Variants in H4C9 observed in about 807,000 individuals in gnomAD.
H4C9 encodes the protein H4 clustered histone 9, also known as histone H4.
In H4C9, 3 loss-of-function variants were observed where a neutral mutation model predicts 4.3. The observed-to-expected ratio is 0.70, with a 90% CI of 0.32 to 1.82. H4C9 has a LOEUF of 1.82. H4C9 is among the 40% of genes most tolerant of loss of function. The pLI, the probability that H4C9 is intolerant of heterozygous loss-of-function variation, is 0.08. For synonymous variants in H4C9, 83 were observed against 64.8 expected (o/e 1.28, Z -1.35); for missense variants, 166 against 158.3 (o/e 1.05, Z -0.26).
chr6:27,139,616 G>A lies in H4C9; in HGVS notation c.308G>A (p.Gly103Asp). 6.2e-7 allele frequency: 1 copy of A among 1,606,384 alleles called. No individual in the cohort carries two copies. The highest frequency in any genetic ancestry group is 8.5e-7 in the Non-Finnish European group (1 of 1,176,128). ...GGCCGCACCCTCTATGGCTTCGGCG[G>A]CTAAATGGCATTTTGAAGCCCAGTC... Reference protein sequence around the residue: ...RQGRTLYGFGG With the variant: ...RQGRTLYGFGD The change falls in exon 1 of 1, where the codon GGC becomes GAC. Residue 103 changes from glycine (G) to aspartate (D), a missense_variant. Transcript: ENST00000615353.
chr6:27,139,445 G>A lies in H4C9; in HGVS notation c.137G>A (p.Arg46His). The A allele has an allele frequency of 6.2e-7, 1 of 1,614,202 alleles. No homozygotes were observed. Among genetic ancestry groups the A allele is most frequent in the Non-Finnish European group, 8.5e-7 (1 of 1,180,036 alleles). The change falls in exon 1 of 1, where the codon CGC (arginine) becomes CAC (histidine). Residue 46 changes from arginine (R) to histidine (H), a missense_variant. Coordinates refer to ENST00000615353, the MANE Select transcript of H4C9 (RefSeq NM_003495.3). ...CTTGCTCGCCGCGGCGGCGTGAAGC[G>A]CATTTCTGGCCTCATCTATGAGGAG... ...RRLARRGGVK[R>H]ISGLIYEETR...
chr6:27,139,533 G>A lies in H4C9; in HGVS notation c.225G>A (p.Glu75=), dbSNP rs776747593. Reference sequence around the variant, plus strand: ...TCCGGGACGCCGTGACCTACACGGAGCACGCCAAGCGCAAGACGGTCACCG... The same window carrying A: ...TCCGGGACGCCGTGACCTACACGGAACACGCCAAGCGCAAGACGGTCACCG... The part of the protein sequence containing the change: ...NVIRDAVTYT[E]HAKRKTVTAM... The change falls in exon 1 of 1, where the codon GAG becomes GAA. Residue 75 remains glutamate (E), a synonymous_variant. Transcript: ENST00000615353. The A allele has an allele frequency of 8.7e-6, 14 of 1,614,076 alleles. No individual in the cohort carries two copies. Among genetic ancestry groups the A allele is most frequent in the Non-Finnish European group, 1.1e-5 (13 of 1,180,036 alleles).
Position 27,139,471 on chromosome 6 carries a change from A to G in H4C9, c.163A>G (p.Thr55Ala). The G allele has an allele frequency of 6.2e-7, 1 of 1,613,946 alleles. No homozygotes were observed. Among genetic ancestry groups the G allele is most frequent in the East Asian group, 2.2e-5 (1 of 44,832 alleles). ...CATTTCTGGCCTCATCTATGAGGAG[A>G]CCCGCGGAGTGTTGAAGGTGTTCCT... The part of the protein sequence containing the change: ...KRISGLIYEE[T>A]RGVLKVFLEN... The change falls in exon 1 of 1, where the codon ACC (threonine) becomes GCC (alanine). Residue 55 changes from threonine (T) to alanine (A), a missense_variant. Coordinates refer to ENST00000615353, the MANE Select transcript of H4C9 (RefSeq NM_003495.3).
Position 27,139,401 on chromosome 6 carries a change from C to T in H4C9, c.93C>T (p.Thr31=). 3 of 1,614,232 alleles carry T rather than the reference C, an allele frequency of 1.9e-6. No homozygotes were observed. The highest frequency in any genetic ancestry group is 1.1e-5 in the South Asian group (1 of 91,088). Residue 31 remains threonine (T), a synonymous_variant, in exon 1 of 1, where the codon ACC becomes ACT. Transcript: ENST00000615353. The part of the protein sequence containing the change: ...KVLRDNIQGI[T]KPAIRRLARR... Reference sequence around the variant, plus strand: ...TGCGCGACAACATCCAGGGTATCACCAAGCCAGCCATTCGGCGCCTTGCTC... The same window carrying T: ...TGCGCGACAACATCCAGGGTATCACTAAGCCAGCCATTCGGCGCCTTGCTC...
chr6:27,139,663 T>C lies in H4C9; in HGVS notation c.*43T>C. 6.4e-7 allele frequency: 1 copy of C among 1,565,082 alleles called. No homozygotes were observed. The highest frequency in any genetic ancestry group is 8.6e-7 in the Non-Finnish European group (1 of 1,158,108). On this transcript the variant is annotated 3_prime_UTR_variant, in exon 1 of 1. Coordinates refer to ENST00000615353, the MANE Select transcript of H4C9 (RefSeq NM_003495.3). ...AGTCATTCTCTAAAAAGGCCCTTTT[T>C]AGGGCCCCTAAGCTTTCAACAAAAG...
In H4C9 at chr6:27,139,360, C is replaced by T; in HGVS notation, c.52C>T (p.Arg18Cys). 1.9e-6 allele frequency: 3 copies of T among 1,613,984 alleles called. No homozygotes were observed. The highest frequency in any genetic ancestry group is 1.1e-5 in the South Asian group (1 of 91,056). ...GGGCCTGGGGAAAGGGGGTGCCAAGCGCCACCGCAAGGTGCTGCGCGACAA... is the reference window on the plus strand; with the variant it reads ...GGGCCTGGGGAAAGGGGGTGCCAAGTGCCACCGCAAGGTGCTGCGCGACAA... Reference protein sequence around the residue: ...GKGLGKGGAKRHRKVLRDNIQ... With the variant: ...GKGLGKGGAKCHRKVLRDNIQ... The change falls in exon 1 of 1, where the codon CGC (arginine) becomes TGC (cysteine). Residue 18 changes from arginine to cysteine, a missense_variant. Coordinates refer to ENST00000615353, the MANE Select transcript of H4C9 (RefSeq NM_003495.3).
At position 27,139,569 on chromosome 6, in the gene H4C9, G is replaced by A. The variant is rs1581432244; in HGVS notation, c.261G>A (p.Val87=). The change falls in exon 1 of 1, where the codon GTG becomes GTA. Residue 87 remains valine, a synonymous_variant. Coordinates refer to ENST00000615353, the MANE Select transcript of H4C9 (RefSeq NM_003495.3). ...GCAAGACGGTCACCGCCATGGACGT[G>A]GTCTACGCGCTCAAGCGCCAGGGCC... ...AKRKTVTAMD[V]VYALKRQGRT... 2 of 1,613,930 alleles carry A rather than the reference G, an allele frequency of 1.2e-6. No individual in the cohort carries two copies. Among genetic ancestry groups the A allele is most frequent in the Non-Finnish European group, 1.7e-6 (2 of 1,179,892 alleles).
chr6:27,139,508 T>C lies in H4C9; in HGVS notation c.200T>C (p.Ile67Thr), dbSNP rs1452027263. The C allele has an allele frequency of 1.2e-6, 2 of 1,611,158 alleles. No homozygotes were observed. Among genetic ancestry groups the C allele is most frequent in the Non-Finnish European group, 1.7e-6 (2 of 1,178,810 alleles). The stretch of plus-strand genomic sequence containing the variant: ...TTGAAGGTGTTCCTGGAGAACGTGA[T>C]CCGGGACGCCGTGACCTACACGGAG... ...GVLKVFLENV[I>T]RDAVTYTEHA... The change falls in exon 1 of 1, where the codon ATC becomes ACC. Residue 67 changes from isoleucine to threonine, a missense_variant. Ile to Thr is a moderately conservative substitution (Grantham distance 89). Coordinates refer to ENST00000615353, the MANE Select transcript of H4C9 (RefSeq NM_003495.3).
In H4C9 at chr6:27,139,400, C is replaced by T. The variant is rs777882267; in HGVS notation, c.92C>T (p.Thr31Ile). ...CTGCGCGACAACATCCAGGGTATCA[C>T]CAAGCCAGCCATTCGGCGCCTTGCT... ...KVLRDNIQGI[T>I]KPAIRRLARR... is the part of the protein sequence containing the mutation. The change falls in exon 1 of 1, where the codon ACC becomes ATC. Residue 31 changes from threonine to isoleucine, a missense_variant. By Grantham distance (89) the Thr-to-Ile change is moderately conservative. Coordinates refer to ENST00000615353, the MANE Select transcript of H4C9 (RefSeq NM_003495.3). The T allele has an allele frequency of 1.2e-6, 2 of 1,614,248 alleles. No homozygotes were observed. Among genetic ancestry groups the T allele is most frequent in the Non-Finnish European group, 1.7e-6 (2 of 1,180,050 alleles).
rs781629621 is a variant in H4C9, at chr6:27,139,489, G to T, written c.181G>T (p.Val61Leu). Residue 61 changes from valine (V) to leucine (L), a missense_variant, in exon 1 of 1, where the codon GTG becomes TTG. Coordinates refer to ENST00000615353, the MANE Select transcript of H4C9 (RefSeq NM_003495.3). ...IYEETRGVLK[V>L]FLENVIRDAV... ...TGAGGAGACCCGCGGAGTGTTGAAG[G>T]TGTTCCTGGAGAACGTGATCCGGGA... 6.2e-7 allele frequency: 1 copy of T among 1,614,174 alleles called. No individual in the cohort carries two copies. The highest frequency in any genetic ancestry group is 1.1e-5 in the South Asian group (1 of 91,090).
Position 27,139,560 on chromosome 6 carries a change from C to T in H4C9, c.252C>T (p.Ala84=), listed in dbSNP as rs750977807. Residue 84 remains alanine, a synonymous_variant, in exon 1 of 1, where the codon GCC becomes GCT. Coordinates refer to ENST00000615353, the MANE Select transcript of H4C9 (RefSeq NM_003495.3). ...ACGCCAAGCGCAAGACGGTCACCGC[C>T]ATGGACGTGGTCTACGCGCTCAAGC... is the stretch of plus-strand genomic sequence containing the variant. ...TEHAKRKTVT[A]MDVVYALKRQ... 1.2e-6 allele frequency: 2 copies of T among 1,614,112 alleles called. No individual in the cohort carries two copies. The highest frequency in any genetic ancestry group is 2.2e-5 in the South Asian group (2 of 91,082).
At position 27,139,323 on chromosome 6, in the gene H4C9, C is replaced by T. The variant is rs1351101102; in HGVS notation, c.15C>T (p.Gly5=). ...ACCACTTGATAATGTCAGGACGCGGCAAAGGAGGTAAGGGCCTGGGGAAAG... is the reference window on the plus strand; with the variant it reads ...ACCACTTGATAATGTCAGGACGCGGTAAAGGAGGTAAGGGCCTGGGGAAAG... MSGR[G]KGGKGLGKGG... is the part of the protein sequence containing the mutation. Residue 5 remains glycine (G), a synonymous_variant, in exon 1 of 1, where the codon GGC becomes GGT. Transcript: ENST00000615353. 1.2e-6 allele frequency: 2 copies of T among 1,609,934 alleles called. No homozygotes were observed. Among genetic ancestry groups the T allele is most frequent in the Admixed American group, 1.7e-5 (1 of 59,706 alleles).
Position 27,139,389 on chromosome 6 carries a change from C to A in H4C9, c.81C>A (p.Ile27=). The change falls in exon 1 of 1, where the codon ATC becomes ATA. Residue 27 remains isoleucine (I), a synonymous_variant. Transcript: ENST00000615353. ...ACCGCAAGGTGCTGCGCGACAACAT[C>A]CAGGGTATCACCAAGCCAGCCATTC... is the stretch of plus-strand genomic sequence containing the variant. The part of the protein sequence containing the change: ...KRHRKVLRDN[I]QGITKPAIRR... 6.2e-7 allele frequency: 1 copy of A among 1,614,234 alleles called. No homozygotes were observed. Among genetic ancestry groups the A allele is most frequent in the African/African-American group, 1.3e-5 (1 of 75,076 alleles).
At position 27,139,404 on chromosome 6, in the gene H4C9, G is replaced by A. The variant is rs747527283; in HGVS notation, c.96G>A (p.Lys32=). The change falls in exon 1 of 1, where the codon AAG becomes AAA. Residue 32 remains lysine, a synonymous_variant. Coordinates refer to ENST00000615353, the MANE Select transcript of H4C9 (RefSeq NM_003495.3). ...VLRDNIQGIT[K]PAIRRLARRG... ...GCGACAACATCCAGGGTATCACCAA[G>A]CCAGCCATTCGGCGCCTTGCTCGCC... 21 of 1,614,116 alleles carry A rather than the reference G, an allele frequency of 1.3e-5. No individual in the cohort carries two copies. In the Admixed American group the frequency reaches 2.5e-4, roughly 19 times the overall value.
Position 27,139,337 on chromosome 6 carries a change from G to C in H4C9, c.29G>C (p.Gly10Ala), listed in dbSNP as rs140775845. Residue 10 changes from glycine (G) to alanine (A), a missense_variant, in exon 1 of 1, where the codon GGC becomes GCC. Transcript: ENST00000615353. Reference protein sequence around the residue: MSGRGKGGKGLGKGGAKRHR... With the variant: MSGRGKGGKALGKGGAKRHR... ...TCAGGACGCGGCAAAGGAGGTAAGG[G>C]CCTGGGGAAAGGGGGTGCCAAGCGC... is the stretch of plus-strand genomic sequence containing the variant. The C allele has an allele frequency of 1.2e-6, 2 of 1,613,310 alleles. No individual in the cohort carries two copies. The highest frequency in any genetic ancestry group is 1.7e-6 in the Non-Finnish European group (2 of 1,179,486).
rs575103151 is a variant in H4C9 at position 27,139,374 on chromosome 6, G to A, written c.66G>A (p.Val22=). The stretch of plus-strand genomic sequence containing the variant: ...GGGGTGCCAAGCGCCACCGCAAGGT[G>A]CTGCGCGACAACATCCAGGGTATCA... ...GKGGAKRHRK[V]LRDNIQGITK... The change falls in exon 1 of 1, where the codon GTG becomes GTA. Residue 22 remains valine, a synonymous_variant. Transcript: ENST00000615353. 6.8e-6 allele frequency: 11 copies of A among 1,614,204 alleles called. No homozygotes were observed. Among genetic ancestry groups the A allele is most frequent in the Middle Eastern group, 1.6e-4 (1 of 6,062 alleles).
At position 27,139,461 on chromosome 6, in the gene H4C9, C is replaced by T; in HGVS notation, c.153C>T (p.Ile51=). ...GCGTGAAGCGCATTTCTGGCCTCAT[C>T]TATGAGGAGACCCGCGGAGTGTTGA... ...RGGVKRISGL[I]YEETRGVLKV... The change falls in exon 1 of 1, where the codon ATC becomes ATT. Residue 51 remains isoleucine, a synonymous_variant. Transcript: ENST00000615353. 1 of 1,614,222 alleles carries T rather than the reference C, an allele frequency of 6.2e-7. No individual in the cohort carries two copies. The highest frequency in any genetic ancestry group is 1.3e-5 in the African/African-American group (1 of 75,066).
At position 27,139,477 on chromosome 6, in the gene H4C9, G is replaced by C; in HGVS notation, c.169G>C (p.Gly57Arg). Residue 57 changes from glycine to arginine, a missense_variant, in exon 1 of 1, where the codon GGA becomes CGA. Transcript: ENST00000615353. ...ISGLIYEETR[G>R]VLKVFLENVI... ...TGGCCTCATCTATGAGGAGACCCGC[G>C]GAGTGTTGAAGGTGTTCCTGGAGAA... The C allele has an allele frequency of 6.2e-7, 1 of 1,614,180 alleles. No homozygotes were observed. Among genetic ancestry groups the C allele is most frequent in the Non-Finnish European group, 8.5e-7 (1 of 1,180,042 alleles).
Position 27,139,326 on chromosome 6 carries a change from A to G in H4C9, c.18A>G (p.Lys6=), listed in dbSNP as rs755827089. Residue 6 remains lysine (K), a synonymous_variant, in exon 1 of 1, where the codon AAA becomes AAG. Coordinates refer to ENST00000615353, the MANE Select transcript of H4C9 (RefSeq NM_003495.3). MSGRG[K]GGKGLGKGGA... is the part of the protein sequence containing the mutation. ...ACTTGATAATGTCAGGACGCGGCAA[A>G]GGAGGTAAGGGCCTGGGGAAAGGGG... The G allele has an allele frequency of 2.5e-5, 41 of 1,610,954 alleles. No homozygotes were observed. The South Asian group carries it at 3.6e-4, about 14-fold the overall frequency.
Sources: gnomAD v4.1 joint callset for allele counts on GRCh38, gnomAD v4.1.1 for gene constraint, MANE v1.5 for transcripts, NCBI Gene and HGNC (gene_info 2026-07-23, HGNC 2026-07-21) for gene names.